ZSCAN29: variants seen among roughly 807,000 people sequenced by gnomAD.
ZSCAN29 encodes the protein zinc finger and SCAN domain-containing protein 29.
ZSCAN29 carries 55 observed loss-of-function variants against 71.9 expected under a neutral mutation model. That is an observed-to-expected ratio of 0.76 (90% confidence interval 0.62 to 0.96). The LOEUF (loss-of-function observed/expected upper bound fraction) is 0.96, where lower values mean the gene tolerates loss of function less well. Among genes scored for constraint, ZSCAN29 ranks in the 40% least tolerant of loss-of-function variants. The pLI is 0.00. For synonymous variants in ZSCAN29, 351 were observed against 371.6 expected (o/e 0.94, Z 0.64); for missense variants, 1,042 against 1,042.2 (o/e 1.00, Z 0.00).
chr15:43,359,954 C>G lies in ZSCAN29; in HGVS notation c.*1119G>C, dbSNP rs2043963533. 1 of 152,192 alleles carries G rather than the reference C, an allele frequency of 6.6e-6. No homozygotes were observed. The highest frequency in any genetic ancestry group is 1.5e-5 in the Non-Finnish European group (1 of 68,028). The allele number at this position is 152,192 out of a possible 1,614,324, so 9.4% of individuals were successfully genotyped here. ...CCAAGATGGACATTAAACTCTCCTT[C>G]TTTAAGGTAAATGAAGAGGGTGCCT... On this transcript the variant is annotated 3_prime_UTR_variant, in exon 6 of 6. Coordinates refer to ENST00000684362, the MANE Select transcript of ZSCAN29 (RefSeq NM_001372080.1).
Position 43,361,476 on chromosome 15 carries a change from G to A in ZSCAN29, c.2156C>T (p.Ser719Leu). 1 of 1,613,558 alleles carries A rather than the reference G, an allele frequency of 6.2e-7. No individual in the cohort carries two copies. Among genetic ancestry groups the A allele is most frequent in the Middle Eastern group, 1.7e-4 (1 of 6,060 alleles). Residue 719 changes from serine to leucine, a missense_variant, in exon 6 of 6, where the codon TCA becomes TTA. Coordinates refer to ENST00000684362, the MANE Select transcript of ZSCAN29 (RefSeq NM_001372080.1). ...GATTCTCCTATGGGTGATGAAATTT[G>A]AACTGTCACGGAAACTTTTTCCACA... The part of the protein sequence containing the change: ...LDCGKSFRDS[S>L]NFITHRRIHT...
Position 43,366,788 on chromosome 15 carries a change from C to T in ZSCAN29, c.544G>A (p.Gly182Ser), listed in dbSNP as rs968176116. ...QRSGLPFPKS[G>S]VVSRLEQGEP... ...CCTTGCTCCAACCTGGAGACCACAC[C>T]GGATTTAGGAAATGGCAATCCTGCT... The change falls in exon 4 of 6, where the codon GGT becomes AGT. Residue 182 changes from glycine (G) to serine (S), a missense_variant. Coordinates refer to ENST00000684362, the MANE Select transcript of ZSCAN29 (RefSeq NM_001372080.1). The T allele has an allele frequency of 4.3e-6, 7 of 1,609,956 alleles. No individual in the cohort carries two copies. Among genetic ancestry groups the T allele is most frequent in the East Asian group, 4.5e-5 (2 of 44,866 alleles).
Position 43,361,497 on chromosome 15 carries a change from C to T in ZSCAN29, c.2135G>A (p.Gly712Glu), listed in dbSNP as rs2043980149. The T allele has an allele frequency of 6.2e-7, 1 of 1,614,160 alleles. No individual in the cohort carries two copies. The highest frequency in any genetic ancestry group is 1.3e-5 in the African/African-American group (1 of 75,044). Residue 712 changes from glycine to glutamate, a missense_variant, in exon 6 of 6, where the codon GGA (glycine) becomes GAA (glutamate). By Grantham distance (98) the Gly-to-Glu change is moderately conservative. Coordinates refer to ENST00000684362, the MANE Select transcript of ZSCAN29 (RefSeq NM_001372080.1). ...ATTTGAACTGTCACGGAAACTTTTT[C>T]CACAGTCAAGACATTTATAAGGTTT... ...GEKPYKCLDC[G>E]KSFRDSSNFI...
rs551178284 is a variant in ZSCAN29, at chr15:43,369,893, T to C, written c.21A>G (p.Leu7=). 3.1e-6 allele frequency: 5 copies of C among 1,604,238 alleles called. No homozygotes were observed. Among genetic ancestry groups the C allele is most frequent in the South Asian group, 1.1e-5 (1 of 90,928 alleles). MMAKSA[L]RENGTNSETF... ...TCTCAGAGTTAGTGCCATTCTCTCT[T>C]AGAGCTGATTTGGCCATCATTAATA... The change falls in exon 2 of 6, where the codon CTA becomes CTG. Residue 7 remains leucine, a synonymous_variant. Transcript: ENST00000684362.
Position 43,360,887 on chromosome 15 carries a change from TCATTC to T in ZSCAN29, c.*181_*185del, listed in dbSNP as rs772994507. 127 of 761,274 alleles carry T rather than the reference TCATTC, an allele frequency of 1.7e-4. No individual in the cohort carries two copies. The highest frequency in any genetic ancestry group is 1.2e-3 in the Middle Eastern group (3 of 2,480). 47.2% of individuals were successfully genotyped at this position (761,274 alleles called of 1,614,324 possible). Reference sequence around the variant, plus strand: ...AAAGAGAGGGACTGAAATCTTCCTTTCATTCTTTAGACTGCCTTGGGGATTTGAGT... The same window carrying T: ...AAAGAGAGGGACTGAAATCTTCCTTTTTTAGACTGCCTTGGGGATTTGAGT... On this transcript the variant is annotated 3_prime_UTR_variant, in exon 6 of 6. Coordinates refer to ENST00000684362, the MANE Select transcript of ZSCAN29 (RefSeq NM_001372080.1).
At chr15:43,363,491 A>C (rs1218099913) in intron 5 of ZSCAN29, among the ~76,000 whole-genome samples, 1 of 152,246 alleles carries the variant, frequency 6.6e-6, no homozygotes, top group Non-Finnish European at 1.5e-5. Flanking sequence ...AGATTTTCAT[A>C]AATGTGAATA....
chr15:43,366,760 TCTCCTTG>T lies in ZSCAN29; in HGVS notation c.565_571del (p.Gln189SerfsTer21), dbSNP rs1566883958. ...GCCCAGCAGATCTGGGATCCATGGC[TCTCCTTG>T]CTCCAACCTGGAGACCACACCGGAT... On this transcript the variant is annotated frameshift_variant, in exon 4 of 6. Transcript: ENST00000684362. LOFTEE classifies it high-confidence loss of function. The T allele has an allele frequency of 6.2e-7, 1 of 1,614,078 alleles. No homozygotes were observed. The highest frequency in any genetic ancestry group is 2.2e-5 in the East Asian group (1 of 44,878).
rs764097684 is a variant in ZSCAN29 at position 43,369,052 on chromosome 15, TTAA to T, written c.391_393del (p.Leu131del). Reference sequence around the variant, plus strand: ...GGTTCCACTGACTCCTGCCGAACACTTAATAACTCTTGTGATGATTTCGGGGGT... The same window carrying T: ...GGTTCCACTGACTCCTGCCGAACACTTAACTCTTGTGATGATTTCGGGGGT... On this transcript the variant is annotated inframe_deletion, in exon 3 of 6. Transcript: ENST00000684362. The T allele has an allele frequency of 5.6e-6, 9 of 1,611,698 alleles. No homozygotes were observed.
At chr15:43,367,490 G>T (rs973633323) in intron 3 of ZSCAN29, among the ~76,000 whole-genome samples, 3 of 151,956 alleles carry the variant, frequency 2.0e-5, no homozygotes, top group Non-Finnish European at 4.4e-5. Flanking sequence ...TCCAATTTTA[G>T]CCCATCCTTC....
intron 5 of ZSCAN29, 130 bp from the exon 6 acceptor site, chr15:43,362,071 T>A: frequency 1.2e-6 from 1 of 855,340 alleles, no homozygotes; most frequent in Non-Finnish European, 1.8e-6. Context: ...CCCAAATAAC[T>A]ACCATTATCT....
In ZSCAN29 at chr15:43,361,125, T is replaced by C; in HGVS notation, c.2507A>G (p.His836Arg). The change falls in exon 6 of 6, where the codon CAC becomes CGC. Residue 836 changes from histidine to arginine, a missense_variant. Transcript: ENST00000684362. Reference sequence around the variant, plus strand: ...CTTTTCCCGTGCATGGATTTCTCCGTGCTTATTAAGGGCAGAGCTTTTACT... The same window carrying C: ...CTTTTCCCGTGCATGGATTTCTCCGCGCTTATTAAGGGCAGAGCTTTTACT... ...CFSKSSALNKHGEIHAREKLL... is the reference protein window; with the variant it reads ...CFSKSSALNKRGEIHAREKLL... 2 of 1,612,380 alleles carry C rather than the reference T, an allele frequency of 1.2e-6. No homozygotes were observed. The highest frequency in any genetic ancestry group is 1.7e-6 in the Non-Finnish European group (2 of 1,178,496).
In ZSCAN29 at chr15:43,366,869, GA is replaced by G; in HGVS notation, c.524-62del. 2.7e-6 allele frequency: 4 copies of G among 1,458,282 alleles called. No individual in the cohort carries two copies. In the South Asian group the frequency reaches 5.3e-5, roughly 19 times the overall value. The allele number at this position is 1,458,282 out of a possible 1,614,324, so 90.3% of individuals were successfully genotyped here. On this transcript the variant is annotated intron_variant, in intron 3 of 5. Transcript: ENST00000684362. ...TTGGACTGATTATCACAAAAATCTT[GA>G]AATTCAGTCCTGCCTTTTTCATCCA...
intron 5 of ZSCAN29, 52 bp downstream of exon 5, chr15:43,363,863 G>A: frequency 6.7e-7 from 1 of 1,501,822 alleles, no homozygotes; most frequent in African/African-American, 1.4e-5. Context: ...TTTTTCCTAA[G>A]TCCCATTGTC....
At position 43,366,583 on chromosome 15, in the gene ZSCAN29, T is replaced by C; in HGVS notation, c.749A>G (p.Tyr250Cys). Residue 250 changes from tyrosine (Y) to cysteine (C), a missense_variant, in exon 4 of 6, where the codon TAT (tyrosine) becomes TGT (cysteine). Transcript: ENST00000684362. Reference protein sequence around the residue: ...DEKVAGVHWGYEETRTLLAIL... With the variant: ...DEKVAGVHWGCEETRTLLAIL... ...TGCGAGGAGCGTTCTGGTCTCTTCA[T>C]AGCCCCAGTGCACACCTGCCACCTT... 5.6e-6 allele frequency: 9 copies of C among 1,614,244 alleles called. No individual in the cohort carries two copies. The highest frequency in any genetic ancestry group is 1.3e-5 in the African/African-American group (1 of 75,076).
Position 43,360,873 on chromosome 15 carries a change from C to A in ZSCAN29, c.*200G>T, listed in dbSNP as rs1344541114. 4 of 664,924 alleles carry A rather than the reference C, an allele frequency of 6.0e-6. No individual in the cohort carries two copies. Among genetic ancestry groups the A allele is most frequent in the Non-Finnish European group, 1.0e-5 (4 of 400,152 alleles). 41.2% of individuals were successfully genotyped at this position (664,924 alleles called of 1,614,324 possible). A position where few individuals can be genotyped will look rare whatever the true frequency, so the allele number is the denominator to read the frequency against. The stretch of plus-strand genomic sequence containing the variant: ...ATTCAGATGCAGGCAAAGAGAGGGA[C>A]TGAAATCTTCCTTTCATTCTTTAGA... On this transcript the variant is annotated 3_prime_UTR_variant, in exon 6 of 6. Transcript: ENST00000684362.
At position 43,361,158 on chromosome 15, in the gene ZSCAN29, T is replaced by C. The variant is rs1411418252; in HGVS notation, c.2474A>G (p.Lys825Arg). The C allele has an allele frequency of 6.2e-7, 1 of 1,614,202 alleles. No homozygotes were observed. Among genetic ancestry groups the C allele is most frequent in the Non-Finnish European group, 8.5e-7 (1 of 1,179,994 alleles). ...EKPYGCHDCG[K>R]CFSKSSALNK... ...AAGGGCAGAGCTTTTACTGAAGCAC[T>C]TACCACAGTCATGACACCCATAGGG... Residue 825 changes from lysine (K) to arginine (R), a missense_variant, in exon 6 of 6, where the codon AAG becomes AGG. Transcript: ENST00000684362.
Position 43,361,766 on chromosome 15 carries a change from C to T in ZSCAN29, c.1866G>A (p.Gly622=), listed in dbSNP as rs2043984502. 1 of 1,614,148 alleles carries T rather than the reference C, an allele frequency of 6.2e-7. No individual in the cohort carries two copies. The highest frequency in any genetic ancestry group is 1.1e-5 in the South Asian group (1 of 91,076). Residue 622 remains glycine (G), a synonymous_variant, in exon 6 of 6, where the codon GGG becomes GGA. Coordinates refer to ENST00000684362, the MANE Select transcript of ZSCAN29 (RefSeq NM_001372080.1). ...RSGRQWAKTS[G]EKRGKLTLPE... Reference sequence around the variant, plus strand: ...GGAGTGTCAGTTTTCCTCTTTTCTCCCCTGAGGTCTTTGCCCACTGTCTTC... The same window carrying T: ...GGAGTGTCAGTTTTCCTCTTTTCTCTCCTGAGGTCTTTGCCCACTGTCTTC...
Position 43,370,597 on chromosome 15 carries a change from G to T in ZSCAN29, c.-152C>A. 1 of 152,790 alleles carries T rather than the reference G, an allele frequency of 6.5e-6. No homozygotes were observed. The allele number at this position is 152,790 out of a possible 1,614,324, so 9.5% of individuals were successfully genotyped here. A position where few individuals can be genotyped will look rare whatever the true frequency, so the allele number is the denominator to read the frequency against. On this transcript the variant is annotated 5_prime_UTR_variant, in exon 1 of 6. Transcript: ENST00000684362. ...CGCGCAAGGAGAGAAGCTGGTTTTG[G>T]CTCCAAAGCGAGGACCATGGGGGCT...
Position 43,366,645 on chromosome 15 carries a change from G to A in ZSCAN29, c.687C>T (p.Ser229=), listed in dbSNP as rs1008716639. 2 of 1,614,100 alleles carry A rather than the reference G, an allele frequency of 1.2e-6. No individual in the cohort carries two copies. The highest frequency in any genetic ancestry group is 2.7e-5 in the African/African-American group (2 of 74,938). ...DLLPSKKDRR[S]WVEQDHWSFE... ...AGCTCCAGTGATCCTGTTCCACCCA[G>A]CTTCTTCTATCTTTCTTGGATGGTA... The change falls in exon 4 of 6, where the codon AGC becomes AGT. Residue 229 remains serine, a synonymous_variant. Coordinates refer to ENST00000684362, the MANE Select transcript of ZSCAN29 (RefSeq NM_001372080.1).
Sources: allele counts gnomAD v4.1 joint callset (sites outside exome capture counted in the v4.1 genomes callset), GRCh38; gene constraint gnomAD v4.1.1; transcripts MANE v1.5; gene names NCBI Gene and HGNC (gene_info 2026-07-23, HGNC 2026-07-21).